Variants in FSTL4 observed in about 807,000 individuals in gnomAD.
FSTL4 encodes follistatin-related protein 4.
In FSTL4, 28 loss-of-function variants were observed where a neutral mutation model predicts 78.2. That is an observed-to-expected ratio of 0.36 (90% confidence interval 0.27 to 0.49). The LOEUF is 0.49. Among genes scored for constraint, FSTL4 ranks in the 20% least tolerant of loss-of-function variants. The pLI, the probability that FSTL4 is intolerant of heterozygous loss-of-function variation, is 0.98. For synonymous variants in FSTL4, 422 were observed against 440.5 expected (o/e 0.96, Z 0.53); for missense variants, 922 against 1,084.9 (o/e 0.85, Z 2.11).
chr5:133,658,790 G>C, the FSTL4 span, among the ~76,000 whole-genome samples: 4 of 152,054 alleles, frequency 2.6e-5, no homozygotes, highest in Non-Finnish European at 5.9e-5. Flanking sequence ...GTGCTGCTTT[G>C]AACATGACTC....
chr5:133,696,939 C>G, the FSTL4 span, among the ~76,000 whole-genome samples: 1 of 152,234 alleles, frequency 6.6e-6, no homozygotes, highest in Non-Finnish European at 1.5e-5. Context: ...GGACCCCAAG[C>G]TTGCCTGTAG....
chr5:133,525,442 A>C, intron 3 of FSTL4, among the ~76,000 whole-genome samples: 1 of 152,174 alleles, frequency 6.6e-6, no homozygotes. Context: ...AGGGGCATTG[A>C]AACCATCCTG....
At chr5:133,838,262 C>T in the FSTL4 span, among the ~76,000 whole-genome samples, 2 of 152,230 alleles carry the variant, frequency 1.3e-5, no homozygotes, top group Non-Finnish European at 1.5e-5. Context: ...CCGAAGACTT[C>T]AACTCATTTT....
chr5:133,341,477 C>T (rs988164753), intron 4 of FSTL4, among the ~76,000 whole-genome samples: 3 of 151,998 alleles, frequency 2.0e-5, no homozygotes, highest in African/African-American at 7.3e-5. Flanking sequence ...TAGGAATTCC[C>T]ACCAAGCCCC....
At chr5:133,221,921 T>TGTTTTTTG (rs1751145741) in intron 11 of FSTL4, among the ~76,000 whole-genome samples, 1 of 130,368 alleles carries the variant, frequency 7.7e-6, no homozygotes. Flanking sequence ...TTTTTTTTTT[T>TGTTTTTTG]TTTTTTAGCA....
the FSTL4 span, among the ~76,000 whole-genome samples, chr5:133,678,178 A>G: frequency 2.1e-4 from 32 of 152,338 alleles, no homozygotes; most frequent in Admixed American, 9.2e-4. Context: ...CAGATAATAA[A>G]CCAATACATG....
In FSTL4 at chr5:133,375,291, C is replaced by CATATATATATATATATATAT. The variant is rs3975738; in HGVS notation, c.409+25427_409+25446dup. The stretch of plus-strand genomic sequence containing the variant: ...AACCCAAAACATAGGGTGTGCATGG[C>CATATATATATATATATATAT]ATATATATATATATATATATAAAAG... On this transcript the variant is annotated intron_variant, in intron 4 of 15. Transcript: ENST00000265342. Among the ~76,000 whole-genome samples, 353 of 57,854 alleles carry CATATATATATATATATATAT rather than the reference C, an allele frequency of 6.1e-3. 34 individuals carry two copies. Among genetic ancestry groups the CATATATATATATATATATAT allele is most frequent in the Non-Finnish European group, 8.3e-3 (182 of 21,816 alleles). 38.0% of individuals were successfully genotyped at this position (57,854 alleles called of 152,430 possible). A position where few individuals can be genotyped will look rare whatever the true frequency, so the allele number is the denominator to read the frequency against.
chr5:133,237,193 T>C (rs1270765455), intron 7 of FSTL4, among the ~76,000 whole-genome samples: 5 of 152,076 alleles, frequency 3.3e-5, no homozygotes, highest in Admixed American at 3.3e-4. Flanking sequence ...TCCCCACTTG[T>C]CCCCTTCTCC....
At chr5:133,694,740 T>A in the FSTL4 span, among the ~76,000 whole-genome samples, 1 of 152,194 alleles carries the variant, frequency 6.6e-6, no homozygotes, top group Non-Finnish European at 1.5e-5. Flanking sequence ...TTCTCATGGT[T>A]CCGGAGGCTG....
At chr5:133,660,737 A>T in the FSTL4 span, among the ~76,000 whole-genome samples, 3 of 152,192 alleles carry the variant, frequency 2.0e-5, no homozygotes, top group African/African-American at 7.2e-5. Context: ...CTATTTGCTC[A>T]GTGTCTTAAT....
the FSTL4 span, among the ~76,000 whole-genome samples, chr5:133,653,336 A>C: frequency 1.3e-5 from 2 of 152,142 alleles, no homozygotes; most frequent in African/African-American, 4.8e-5. Context: ...CAGATGATGA[A>C]CTTTCTGAGG....
rs566749735 is a variant in FSTL4, at chr5:133,532,501, G to A, written c.160+34685C>T. The stretch of plus-strand genomic sequence containing the variant: ...TCTATTGTAGAACAAGGCCAGGGAG[G>A]GAGGTATTCCGGTTAACCCAGGACA... On this transcript the variant is annotated intron_variant, in intron 3 of 15. Transcript: ENST00000265342. Among the ~76,000 whole-genome samples, 13 of 152,268 alleles carry A rather than the reference G, an allele frequency of 8.5e-5. No individual in the cohort carries two copies. The East Asian group carries it at 2.5e-3, about 29-fold the overall frequency.
chr5:133,447,051 C>G (rs1166638278), intron 3 of FSTL4, among the ~76,000 whole-genome samples: 1 of 152,204 alleles, frequency 6.6e-6, no homozygotes, highest in Non-Finnish European at 1.5e-5. Flanking sequence ...GGTGGGCTCC[C>G]CTGCCGATGC....
intron 3 of FSTL4, among the ~76,000 whole-genome samples, chr5:133,415,732 C>T (rs532392650): frequency 1.5e-4 from 23 of 152,054 alleles, no homozygotes; most frequent in Non-Finnish European, 2.2e-4. Context: ...CTGAGTGGTG[C>T]GGCAGCGTGG....
the FSTL4 span, among the ~76,000 whole-genome samples, chr5:133,665,086 A>G: frequency 6.6e-6 from 1 of 152,224 alleles, no homozygotes; most frequent in Non-Finnish European, 1.5e-5. Context: ...ATGAAGCAGT[A>G]TGAGGCTCCT....
chr5:133,619,980 G>A, the FSTL4 span, among the ~76,000 whole-genome samples: 1 of 152,062 alleles, frequency 6.6e-6, no homozygotes, highest in African/African-American at 2.4e-5. Context: ...TTACAGATAA[G>A]TTCCATTTTG....
chr5:133,334,281 T>C (rs1016111686), intron 4 of FSTL4, among the ~76,000 whole-genome samples: 1 of 152,234 alleles, frequency 6.6e-6, no homozygotes, highest in Non-Finnish European at 1.5e-5. Context: ...ACTGGGTCGT[T>C]CTCTTCCACA....
At chr5:133,701,214 C>A in the FSTL4 span, among the ~76,000 whole-genome samples, 2 of 151,710 alleles carry the variant, frequency 1.3e-5, no homozygotes, top group Non-Finnish European at 2.9e-5. Flanking sequence ...AGCAGCCTTG[C>A]CAACATAGTG....
chr5:133,731,080 T>C, the FSTL4 span, among the ~76,000 whole-genome samples: 1 of 152,196 alleles, frequency 6.6e-6, no homozygotes, highest in South Asian at 2.1e-4. Context: ...ATTTTCCCTT[T>C]ATAGAATCAG....
Sources: gnomAD v4.1 joint callset for allele counts (sites outside exome capture counted in the v4.1 genomes callset) on GRCh38, gnomAD v4.1.1 for gene constraint, MANE v1.5 for transcripts, NCBI Gene and HGNC (gene_info 2026-07-23, HGNC 2026-07-21) for gene names.